Variants in PCDHGA4 observed in about 807,000 individuals in gnomAD.
PCDHGA4 encodes the protein protocadherin gamma subfamily A, 4, also known as protocadherin gamma-A4.
Under a neutral mutation model 54.6 loss-of-function variants are expected in PCDHGA4, and 38 were observed. The observed-to-expected ratio is 0.70, with a 90% CI of 0.54 to 0.91. The LOEUF (loss-of-function observed/expected upper bound fraction) is 0.91. Ranked by LOEUF, PCDHGA4 falls within the 40% of genes least tolerant of loss-of-function variation. PCDHGA4 has a pLI of 0.00. For synonymous variants in PCDHGA4, 511 were observed against 512.9 expected (o/e 1.00, Z 0.05); for missense variants, 1,298 against 1,220.9 (o/e 1.06, Z -0.94).
intron 1 of PCDHGA4, chr5:141,423,625 A>G (rs375112361): frequency 1.6e-5 from 25 of 1,606,754 alleles, no homozygotes; most frequent in Admixed American, 6.8e-5. Flanking sequence ...AGACTCAGCT[A>G]TCATTTTAGG....
chr5:141,372,863 G>T, intron 1 of PCDHGA4: 2 of 1,395,300 alleles, frequency 1.4e-6, no homozygotes, highest in Non-Finnish European at 1.9e-6. Context: ...TCAATTCATT[G>T]ATTTAGAGAT....
chr5:141,376,090 C>T (rs372887480), intron 1 of PCDHGA4: 11 of 1,613,674 alleles, frequency 6.8e-6, no homozygotes, highest in Admixed American at 1.7e-5. Context: ...ACAGGATCCC[C>T]GACATCCTGG....
chr5:141,424,023 A>G (rs1391381195), intron 1 of PCDHGA4: 1 of 1,047,166 alleles, frequency 9.5e-7, no homozygotes, highest in Non-Finnish European at 1.2e-6. Context: ...TGATTCACAA[A>G]CACTTTTTAT....
At chr5:141,492,237 C>G (rs2099738580) in intron 1 of PCDHGA4, among the ~76,000 whole-genome samples, 1 of 152,206 alleles carries the variant, frequency 6.6e-6, no homozygotes, top group Admixed American at 6.5e-5. Flanking sequence ...TCCCTGCTGG[C>G]CACCCCCACG....
At position 141,355,431 on chromosome 5, in the gene PCDHGA4, G is replaced by T; in HGVS notation, c.324G>T (p.Leu108=). The change falls in exon 1 of 4, where the codon CTG becomes CTT. Residue 108 remains leucine (L), a synonymous_variant. Transcript: ENST00000571252. ...VSRGRTQLFA[L]NPRSGTLVTA... Reference sequence around the variant, plus strand: ...GAGGTAGGACGCAGCTTTTCGCCCTGAACCCGCGCAGCGGCACCTTGGTCA... The same window carrying T: ...GAGGTAGGACGCAGCTTTTCGCCCTTAACCCGCGCAGCGGCACCTTGGTCA... The T allele has an allele frequency of 1.2e-6, 2 of 1,614,100 alleles. No individual in the cohort carries two copies. The highest frequency in any genetic ancestry group is 1.7e-6 in the Non-Finnish European group (2 of 1,179,930).
At chr5:141,507,380 C>G (rs984406173) in intron 3 of PCDHGA4, 1 of 151,954 alleles carries the variant, frequency 6.6e-6, no homozygotes, top group African/African-American at 2.4e-5. Flanking sequence ...CTTTTATTTA[C>G]TAAATCTGGC....
chr5:141,477,697 T>G lies in PCDHGA4; in HGVS notation c.2515-17110T>G, dbSNP rs745625196. ...TGTCATCCTTAGTGCCCCTAGACTA[T>G]GAGGATCGGCGGGAATTTGAATTAA... On this transcript the variant is annotated intron_variant, in intron 1 of 3. Coordinates refer to ENST00000571252, the MANE Select transcript of PCDHGA4 (RefSeq NM_018917.4). The surrounding 1 kb of genome is among the most constrained non-coding windows in gnomAD (Gnocchi z 4.9). 6.2e-7 allele frequency: 1 copy of G among 1,614,160 alleles called. No homozygotes were observed. Among genetic ancestry groups the G allele is most frequent in the South Asian group, 1.1e-5 (1 of 91,090 alleles).
intron 1 of PCDHGA4, chr5:141,423,300 G>A (rs1293301567): frequency 2.5e-6 from 4 of 1,614,028 alleles, no homozygotes; most frequent in African/African-American, 1.3e-5. Context: ...CAGACCTCTC[G>A]CTGTACTTGG....
At chr5:141,375,379 G>A in intron 1 of PCDHGA4, 1 of 1,613,912 alleles carries the variant, frequency 6.2e-7, no homozygotes, top group Non-Finnish European at 8.5e-7. Context: ...CACCACCTCT[G>A]TCTACAGAAA....
intron 1 of PCDHGA4, chr5:141,384,250 A>C: frequency 6.2e-7 from 1 of 1,613,796 alleles, no homozygotes; most frequent in East Asian, 2.2e-5. Context: ...TAACCCACCC[A>C]CCTTCCCCCA....
intron 1 of PCDHGA4, among the ~76,000 whole-genome samples, chr5:141,458,065 GA>G (rs541812590): frequency 3.5e-3 from 534 of 152,242 alleles, no homozygotes; most frequent in Middle Eastern, 6.8e-3. Context: ...GCACTGATGC[GA>G]ACAACTATAT....
At position 141,486,108 on chromosome 5, in the gene PCDHGA4, G is replaced by A. The variant is rs1184123075; in HGVS notation, c.2515-8699G>A. ...CTTTTGGGGCCCCTAGACTTTGAGA[G>A]TGAGAATTACTATGAATTTGATGTG... On this transcript the variant is annotated intron_variant, in intron 1 of 3. Coordinates refer to ENST00000571252, the MANE Select transcript of PCDHGA4 (RefSeq NM_018917.4). The surrounding 1 kb of genome is among the most constrained non-coding windows in gnomAD (Gnocchi z 5.0). 6 of 1,614,206 alleles carry A rather than the reference G, an allele frequency of 3.7e-6. No individual in the cohort carries two copies. Among genetic ancestry groups the A allele is most frequent in the South Asian group, 3.3e-5 (3 of 91,084 alleles).
intron 1 of PCDHGA4, chr5:141,415,488 C>T: frequency 1.9e-6 from 3 of 1,614,220 alleles, no homozygotes; most frequent in Non-Finnish European, 2.5e-6. Context: ...GAAAGAGTCA[C>T]CTGATCTTCC....
At chr5:141,366,743 C>T (rs561614642) in intron 1 of PCDHGA4, 3 of 1,611,598 alleles carry the variant, frequency 1.9e-6, no homozygotes, top group East Asian at 2.2e-5. Context: ...AGAAGAACGG[C>T]GAGTTCAGGT....
At chr5:141,394,662 T>C in intron 1 of PCDHGA4, 3 of 1,613,258 alleles carry the variant, frequency 1.9e-6, no homozygotes, top group African/African-American at 2.7e-5. Flanking sequence ...GCCGGGACTC[T>C]TCTCGGTGGG....
intron 1 of PCDHGA4, chr5:141,366,459 T>G (rs1764573783): frequency 6.2e-7 from 1 of 1,614,122 alleles, no homozygotes; most frequent in African/African-American, 1.3e-5. Flanking sequence ...TTCGTCATCG[T>G]GCTGCTGGTG....
At chr5:141,478,665 A>G (rs749063178) in intron 1 of PCDHGA4, 88 of 1,551,690 alleles carry the variant, frequency 5.7e-5, no homozygotes, top group Non-Finnish European at 3.7e-5. Flanking sequence ...ATGCATTCAC[A>G]CTTTCAACTG....
At chr5:141,406,859 TC>T (rs1171504234) in intron 1 of PCDHGA4, among the ~76,000 whole-genome samples, 1 of 152,252 alleles carries the variant, frequency 6.6e-6, no homozygotes, top group African/African-American at 2.4e-5. Flanking sequence ...AAGAAAATAT[TC>T]TCAGGAACTG....
chr5:141,390,176 C>T lies in PCDHGA4; in HGVS notation c.2514+32555C>T, dbSNP rs763410454. The T allele has an allele frequency of 5.6e-6, 9 of 1,614,000 alleles. No individual in the cohort carries two copies. In the East Asian group the frequency reaches 1.1e-4, roughly 20 times the overall value. ...ATACAGGAAAGACGGAGTTTAATTT[C>T]CTAAAATGTAGTGAGCAGTTGAGTT... On this transcript the variant is annotated intron_variant, in intron 1 of 3. Transcript: ENST00000571252.
Sources: gnomAD v4.1 joint callset for allele counts (sites outside exome capture counted in the v4.1 genomes callset) on GRCh38, gnomAD v4.1.1 for gene constraint, Gnocchi (gnomAD v3.1) non-coding constraint, MANE v1.5 for transcripts, NCBI Gene and HGNC (gene_info 2026-07-23, HGNC 2026-07-21) for gene names.